The following PBX3 variants were observed in gnomAD, a reference collection of about 807,000 sequenced individuals.
PBX3 encodes the protein pre-B-cell leukemia transcription factor 3.
A neutral mutation model predicts 48.5 loss-of-function variants in PBX3; 14 were observed. The observed-to-expected ratio is 0.29, with a 90% CI of 0.19 to 0.45. The LOEUF is 0.45. Among genes scored for constraint, PBX3 ranks in the 20% least tolerant of loss-of-function variants. The probability of loss-of-function intolerance (pLI) is 1.00; values close to 1 mark genes in which losing one functional copy is unlikely to be tolerated. For missense variants in PBX3, 386 were observed against 546.7 expected, an observed-to-expected ratio of 0.71 and a Z score of 2.93; for synonymous variants, 210 against 200.3, an observed-to-expected ratio of 1.05 and a Z score of -0.41.
At chr9:125,862,389 C>CT in intron 2 of PBX3, among the ~76,000 whole-genome samples, 1 of 151,802 alleles carries the variant, frequency 6.6e-6, no homozygotes, top group East Asian at 1.9e-4. Context: ...TAGTGGAGTA[C>CT]TTTTTTTTGT....
At chr9:125,798,907 A>G (rs1260010665) in intron 2 of PBX3, among the ~76,000 whole-genome samples, 1 of 152,070 alleles carries the variant, frequency 6.6e-6, no homozygotes, top group African/African-American at 2.4e-5. Context: ...TACATTGTTA[A>G]ATAATATATA....
rs1053443499 is a variant in PBX3 at position 125,919,573 on chromosome 9, C to T, written c.516+3646C>T. On this transcript the variant is annotated intron_variant, in intron 3 of 8. Coordinates refer to ENST00000373489, the MANE Select transcript of PBX3 (RefSeq NM_006195.6). Reference sequence around the variant, plus strand: ...CCTCCTAAAAGTGAACATGGGTACTCTGAGTGACAGAAAGCTTAATAGTAA... The same window carrying T: ...CCTCCTAAAAGTGAACATGGGTACTTTGAGTGACAGAAAGCTTAATAGTAA... Among the ~76,000 whole-genome samples the T allele has an allele frequency of 2.0e-5, 3 of 152,032 alleles. 1 individual carries two copies. Among genetic ancestry groups the T allele is most frequent in the Non-Finnish European group, 4.4e-5 (3 of 67,996 alleles).
intron 4 of PBX3, among the ~76,000 whole-genome samples, chr9:125,933,113 G>T (rs1228468808): frequency 6.6e-6 from 1 of 152,208 alleles, no homozygotes; most frequent in South Asian, 2.1e-4. Flanking sequence ...GCCTTCAAGT[G>T]AATGCAAATA....
intron 2 of PBX3, among the ~76,000 whole-genome samples, chr9:125,788,437 C>T (rs1258505949): frequency 6.6e-6 from 1 of 152,166 alleles, no homozygotes; most frequent in Non-Finnish European, 1.5e-5. Flanking sequence ...AGAACTTCTA[C>T]TTACATTTAT....
chr9:125,866,841 T>C (rs956854908), intron 2 of PBX3, among the ~76,000 whole-genome samples: 1 of 152,222 alleles, frequency 6.6e-6, no homozygotes, highest in African/African-American at 2.4e-5. Context: ...AAAGCTATAC[T>C]TTGGTGATTT....
chr9:125,935,532 A>C lies in PBX3; in HGVS notation c.768A>C (p.Ser256=). ...ATEILNEYFY[S]HLSNPYPSEE... is the part of the protein sequence containing the mutation. ...AAATCTTGAATGAATATTTTTACTCACACCTCAGCAACCCCTACCCCAGTG... is the reference window on the plus strand; with the variant it reads ...AAATCTTGAATGAATATTTTTACTCCCACCTCAGCAACCCCTACCCCAGTG... Residue 256 remains serine (S), a synonymous_variant, in exon 5 of 9, where the codon TCA becomes TCC. Transcript: ENST00000373489. 6.2e-7 allele frequency: 1 copy of C among 1,613,718 alleles called. No homozygotes were observed. The highest frequency in any genetic ancestry group is 8.5e-7 in the Non-Finnish European group (1 of 1,179,714).
At chr9:125,947,535 A>G (rs1337379109) in intron 5 of PBX3, among the ~76,000 whole-genome samples, 1 of 152,206 alleles carries the variant, frequency 6.6e-6, no homozygotes, top group African/African-American at 2.4e-5. Flanking sequence ...TTTCAAACTA[A>G]TAAAGAGAGA....
At chr9:125,946,687 G>T (rs543795359) in intron 5 of PBX3, among the ~76,000 whole-genome samples, 16 of 152,176 alleles carry the variant, frequency 1.1e-4, no homozygotes, top group East Asian at 9.7e-4. Context: ...GAGACAATAG[G>T]ATAGAAAAAT....
At chr9:125,907,231 A>C (rs527928690) in intron 2 of PBX3, among the ~76,000 whole-genome samples, 2 of 152,192 alleles carry the variant, frequency 1.3e-5, no homozygotes, top group East Asian at 3.9e-4. Context: ...AATATGTTGC[A>C]AAATAATGTC....
rs1178908228 is a variant in PBX3 at position 125,747,648 on chromosome 9, A to G, written c.195A>G (p.Gln65=). 1.9e-6 allele frequency: 3 copies of G among 1,590,570 alleles called. No individual in the cohort carries two copies. The highest frequency in any genetic ancestry group is 2.6e-6 in the Non-Finnish European group (3 of 1,168,912). ...CCGACCAGAGCTTGGACGAGGCGCAAGCAAAGTTGGTGTCGTCTCATTAAG... is the reference window on the plus strand; with the variant it reads ...CCGACCAGAGCTTGGACGAGGCGCAGGCAAAGTTGGTGTCGTCTCATTAAG... ...TITDQSLDEA[Q]AKKHALNCHR... The change falls in exon 1 of 9, where the codon CAA becomes CAG. Residue 65 remains glutamine, a synonymous_variant. Transcript: ENST00000373489.
At chr9:125,866,728 G>A (rs1235484576) in intron 2 of PBX3, among the ~76,000 whole-genome samples, 1 of 152,132 alleles carries the variant, frequency 6.6e-6, no homozygotes, top group African/African-American at 2.4e-5. Flanking sequence ...GATGTTATTT[G>A]TAACTTTGTT....
intron 2 of PBX3, among the ~76,000 whole-genome samples, chr9:125,874,752 G>C (rs559179860): frequency 1.3e-5 from 2 of 152,262 alleles, no homozygotes; most frequent in East Asian, 1.9e-4. Context: ...ATATAAATTG[G>C]TACAACTATT....
At chr9:125,909,808 A>G (rs973066513) in intron 2 of PBX3, among the ~76,000 whole-genome samples, 6 of 152,136 alleles carry the variant, frequency 3.9e-5, no homozygotes, top group African/African-American at 1.4e-4. Flanking sequence ...GGAGTCTAGT[A>G]CCTGTACAGA....
chr9:125,810,576 G>A (rs10986937), intron 2 of PBX3, among the ~76,000 whole-genome samples: 2 of 152,086 alleles, frequency 1.3e-5, no homozygotes, highest in East Asian at 3.9e-4. Context: ...TGATTTCAGA[G>A]TCTAGTGGAC....
chr9:125,785,606 C>T (rs1054998387), intron 2 of PBX3, among the ~76,000 whole-genome samples: 1 of 152,202 alleles, frequency 6.6e-6, no homozygotes, highest in African/African-American at 2.4e-5. Flanking sequence ...TGGCTTCCTT[C>T]CTCCTCAGCT....
chr9:125,936,936 G>A (rs146887502), intron 5 of PBX3, among the ~76,000 whole-genome samples: 94 of 152,194 alleles, frequency 6.2e-4, no homozygotes, highest in African/African-American at 1.6e-3. Context: ...AAGAAGAATC[G>A]TTTCAAGTAG....
intron 2 of PBX3, among the ~76,000 whole-genome samples, chr9:125,897,962 A>G (rs1840812764): frequency 6.6e-6 from 1 of 151,864 alleles, no homozygotes; most frequent in Admixed American, 6.6e-5. Context: ...GAATTACCCA[A>G]TATACTACAA....
intron 2 of PBX3, among the ~76,000 whole-genome samples, chr9:125,830,259 ATTAG>A (rs1838921170): frequency 6.6e-6 from 1 of 152,152 alleles, no homozygotes; most frequent in Non-Finnish European, 1.5e-5. Flanking sequence ...TAGATTTGCT[ATTAG>A]TTATATAATC....
intron 2 of PBX3, among the ~76,000 whole-genome samples, chr9:125,786,076 T>C (rs1358108589): frequency 1.3e-5 from 2 of 152,202 alleles, no homozygotes; most frequent in Non-Finnish European, 2.9e-5. Context: ...TGGCCCTTGG[T>C]CTACCTACTC....
Sources: allele counts gnomAD v4.1 joint callset (sites outside exome capture counted in the v4.1 genomes callset), GRCh38; gene constraint gnomAD v4.1.1; transcripts MANE v1.5; gene names NCBI Gene and HGNC (gene_info 2026-07-23, HGNC 2026-07-21).